Variants in FAM53B observed in about 807,000 individuals in gnomAD.
FAM53B encodes family with sequence similarity 53 member B.
A neutral mutation model predicts 32.7 loss-of-function variants in FAM53B; 12 were observed. That is an observed-to-expected ratio of 0.37 (90% CI 0.24 to 0.59). The LOEUF is 0.59. Ranked by LOEUF, FAM53B falls within the 20% of genes least tolerant of loss-of-function variation. The pLI is 0.72. For missense variants in FAM53B, 477 were observed against 577.7 expected, an observed-to-expected ratio of 0.83 and a Z score of 1.79; for synonymous variants, 234 against 228.7, an observed-to-expected ratio of 1.02 and a Z score of -0.21.
At chr10:124,707,966 A>G (rs1455759817) in intron 1 of FAM53B, 1 of 152,206 alleles carries the variant, frequency 6.6e-6, no homozygotes. Flanking sequence ...AAACAAATGA[A>G]GAAAGAGTGC....
At chr10:124,712,681 A>G (rs866296227) in intron 1 of FAM53B, among the ~76,000 whole-genome samples, 2 of 152,036 alleles carry the variant, frequency 1.3e-5, no homozygotes, top group Non-Finnish European at 2.9e-5. Context: ...CTGCTTCCAT[A>G]CACAGCTAGG....
intron 4 of FAM53B, among the ~76,000 whole-genome samples, chr10:124,640,253 A>G (rs755647084): frequency 6.6e-6 from 1 of 152,246 alleles, no homozygotes; most frequent in Non-Finnish European, 1.5e-5. Context: ...GAGGAGCAGC[A>G]CAGCCTCAGG....
chr10:124,623,293 G>A lies in FAM53B; in HGVS notation c.1218C>T (p.Ser406=). ...AWRDRGAPGN[S]LCSLDGELDI... ...CCAACTCGCCGTCCAGGGAGCAGAG[G>A]CTGTTCCCAGGGGCCCCGCGGTCCC... The change falls in exon 5 of 5, where the codon AGC becomes AGT. Residue 406 remains serine, a synonymous_variant. Transcript: ENST00000337318. 2 of 1,612,226 alleles carry A rather than the reference G, an allele frequency of 1.2e-6. No individual in the cohort carries two copies. Among genetic ancestry groups the A allele is most frequent in the Non-Finnish European group, 1.7e-6 (2 of 1,179,640 alleles).
rs370552494 is a variant in FAM53B at position 124,681,947 on chromosome 10, C to T, written c.566G>A (p.Arg189Gln). The change falls in exon 4 of 5, where the codon CGA (arginine) becomes CAA (glutamine). Residue 189 changes from arginine to glutamine, a missense_variant. Physicochemically the swap from Arg to Gln is conservative, Grantham distance 43 (BLOSUM62 1). Transcript: ENST00000337318. ...CCCTTGGCAGGGCTGCCCTCCAAAT[C>T]GGTGGTGGAGTCCTGCCTGGTCGCA... ...SPCDQAGLHH[R>Q]FGGQPCQGVP... 17 of 1,613,868 alleles carry T rather than the reference C, an allele frequency of 1.1e-5. No individual in the cohort carries two copies. In the African/African-American group the frequency reaches 1.7e-4, roughly 16 times the overall value.
intron 4 of FAM53B, among the ~76,000 whole-genome samples, chr10:124,624,684 CGCAG>C (rs1949333960): frequency 6.6e-6 from 1 of 152,120 alleles, no homozygotes; most frequent in East Asian, 1.9e-4. Flanking sequence ...TTCAAGGGTA[CGCAG>C]GCCAGTTCTG....
rs1313656905 is a variant in FAM53B at position 124,681,822 on chromosome 10, A to G, written c.691T>C (p.Cys231Arg). Residue 231 changes from cysteine (C) to arginine (R), a missense_variant, in exon 4 of 5, where the codon TGC (cysteine) becomes CGC (arginine). Cys to Arg is a radical substitution (Grantham distance 180). Around this residue, in one of 2 missense-constraint regions of FAM53B, gnomAD observed 312 missense variants for 420.2 expected, o/e 0.74. Transcript: ENST00000337318. The part of the protein sequence containing the change: ...GRLDLQRSLS[C>R]SHEQFSFVEY... The stretch of plus-strand genomic sequence containing the variant: ...ACAAAGGAAAACTGCTCATGTGAGC[A>G]AGAGAGGGACCGCTGCAGGTCCAGC... 1.2e-6 allele frequency: 2 copies of G among 1,611,698 alleles called. No homozygotes were observed. The highest frequency in any genetic ancestry group is 3.4e-5 in the Admixed American group (2 of 59,684).
chr10:124,731,209 C>G (rs1435476813), intron 1 of FAM53B, among the ~76,000 whole-genome samples: 3 of 152,254 alleles, frequency 2.0e-5, no homozygotes, highest in African/African-American at 7.2e-5. Flanking sequence ...GCCTAACGCA[C>G]AGTGGCATTC....
intron 1 of FAM53B, among the ~76,000 whole-genome samples, chr10:124,729,679 C>T (rs1310455881): frequency 6.6e-6 from 1 of 152,214 alleles, no homozygotes; most frequent in Non-Finnish European, 1.5e-5. Flanking sequence ...CCATTCCTAA[C>T]AGGAGCAATG....
intron 4 of FAM53B, among the ~76,000 whole-genome samples, chr10:124,654,799 T>C (rs1949577138): frequency 6.6e-6 from 1 of 152,184 alleles, no homozygotes; most frequent in South Asian, 2.1e-4. Flanking sequence ...CCTGGGTTTG[T>C]GAGCAGGCCC....
At chr10:124,653,629 C>T (rs1949569315) in intron 4 of FAM53B, among the ~76,000 whole-genome samples, 1 of 152,218 alleles carries the variant, frequency 6.6e-6, no homozygotes, top group South Asian at 2.1e-4. Context: ...AGACTTGGGT[C>T]AAAGCCCTCT....
rs181641789 is a variant in FAM53B, at chr10:124,687,690, G to A, written c.134-5311C>T. 7.9e-5 allele frequency among the ~76,000 whole-genome samples: 12 copies of A among 152,304 alleles called. No homozygotes were observed. The East Asian group carries it at 2.1e-3, about 27-fold the overall frequency. On this transcript the variant is annotated intron_variant, in intron 3 of 4. Transcript: ENST00000337318. ...CCACCTACAGGAGCATCCTTTGGGG[G>A]TGTTTGTTAAAATGCAGGTTTCTAG...
intron 4 of FAM53B, among the ~76,000 whole-genome samples, chr10:124,626,503 C>T (rs1355600694): frequency 6.6e-6 from 1 of 150,656 alleles, no homozygotes; most frequent in Non-Finnish European, 1.5e-5. Flanking sequence ...CTGGAGGGAG[C>T]GCAGGTGCCT....
chr10:124,717,926 C>G (rs1471373155), intron 1 of FAM53B, among the ~76,000 whole-genome samples: 2 of 152,148 alleles, frequency 1.3e-5, no homozygotes, highest in African/African-American at 4.8e-5. Context: ...AATCCACCCC[C>G]AGCCCAGGCT....
chr10:124,657,162 G>GTA (rs1329378044), intron 4 of FAM53B, among the ~76,000 whole-genome samples: 14 of 62,188 alleles, frequency 2.3e-4, no homozygotes, highest in South Asian at 5.8e-4. Flanking sequence ...ATATATGTGT[G>GTA]TATATATATA....
At chr10:124,658,470 T>C (rs1949609860) in intron 4 of FAM53B, among the ~76,000 whole-genome samples, 2 of 152,194 alleles carry the variant, frequency 1.3e-5, no homozygotes, top group Admixed American at 1.3e-4. Flanking sequence ...CACTCATACA[T>C]GCAAAATGGG....
intron 4 of FAM53B, among the ~76,000 whole-genome samples, chr10:124,635,053 G>A (rs1033189645): frequency 2.0e-5 from 3 of 152,088 alleles, no homozygotes; most frequent in African/African-American, 4.8e-5. Flanking sequence ...ATATACAATT[G>A]AGAAGAAAAC....
chr10:124,647,259 T>C (rs1005888816), intron 4 of FAM53B, among the ~76,000 whole-genome samples: 4 of 152,042 alleles, frequency 2.6e-5, no homozygotes, highest in African/African-American at 9.7e-5. Flanking sequence ...ATGGGGACTC[T>C]GAGTCTAAGT....
chr10:124,648,047 C>T lies in FAM53B; in HGVS notation c.907-24443G>A, dbSNP rs1214007230. On this transcript the variant is annotated intron_variant, in intron 4 of 4. Transcript: ENST00000337318. Reference sequence around the variant, plus strand: ...TGGGGCTGGCTGAGGCCTCACCACCCCCAGACTTCTGCATTCTTGGTTCTT... The same window carrying T: ...TGGGGCTGGCTGAGGCCTCACCACCTCCAGACTTCTGCATTCTTGGTTCTT... 3.3e-5 allele frequency among the ~76,000 whole-genome samples: 5 copies of T among 152,182 alleles called. No homozygotes were observed. The East Asian group carries it at 7.8e-4, about 24-fold the overall frequency.
At chr10:124,738,171 C>T (rs1950182611) in intron 1 of FAM53B, among the ~76,000 whole-genome samples, 1 of 152,072 alleles carries the variant, frequency 6.6e-6, no homozygotes, top group South Asian at 2.1e-4. Context: ...CCCCCAATCT[C>T]CTGCTAAGGA....
Sources: gnomAD v4.1 joint callset for allele counts (sites outside exome capture counted in the v4.1 genomes callset) on GRCh38, gnomAD v4.1.1 for gene constraint, gnomAD v4.1.1 regional missense constraint, MANE v1.5 for transcripts, NCBI Gene and HGNC (gene_info 2026-07-23, HGNC 2026-07-21) for gene names.